The following SGCD variants were observed in gnomAD, a reference collection of about 807,000 sequenced individuals.
The protein encoded by SGCD is sarcoglycan delta.
A neutral mutation model predicts 36.6 loss-of-function variants in SGCD; 18 were observed. The ratio of observed to expected loss-of-function variants is 0.49; its 90% CI spans 0.34 to 0.73. The LOEUF is 0.73. SGCD is among the 30% of genes least tolerant of loss of function. SGCD has a pLI of 0.01. For missense variants in SGCD, 387 were observed against 346.7 expected (o/e 1.12, Z -0.92); for synonymous variants, 133 against 130.6 (o/e 1.02, Z -0.12).
intron 5 of SGCD, among the ~76,000 whole-genome samples, chr5:156,593,391 AACACAAAC>A (rs1480627617): frequency 6.6e-6 from 1 of 152,106 alleles, no homozygotes; most frequent in African/African-American, 2.4e-5. Flanking sequence ...AAGACAAAAC[AACACAAAC>A]ACACAAACAC....
the SGCD span, among the ~76,000 whole-genome samples, chr5:155,820,283 C>T: frequency 6.6e-6 from 1 of 152,236 alleles, no homozygotes; most frequent in East Asian, 1.9e-4. Flanking sequence ...CTGAGTTTGG[C>T]TTCTCAACCC....
At chr5:156,751,167 A>C (rs1288490185) in intron 7 of SGCD, among the ~76,000 whole-genome samples, 1 of 152,204 alleles carries the variant, frequency 6.6e-6, no homozygotes, top group Non-Finnish European at 1.5e-5. Flanking sequence ...AGGGATAGAC[A>C]AATAGAATAA....
At chr5:156,321,817 T>A (rs1371542757), upstream of SGCD, among the ~76,000 whole-genome samples, 1 of 152,202 alleles carries the variant, frequency 6.6e-6, no homozygotes, top group Non-Finnish European at 1.5e-5. Flanking sequence ...AGATAGAGTC[T>A]TGATTACATT....
intron 3 of SGCD, among the ~76,000 whole-genome samples, chr5:156,383,557 A>G (rs558037363): frequency 6.6e-6 from 1 of 152,246 alleles, no homozygotes; most frequent in East Asian, 1.9e-4. Context: ...CTAGGAATAT[A>G]GGAGTCCTGG....
intron 3 of SGCD, among the ~76,000 whole-genome samples, chr5:156,258,077 G>T (rs1765761089): frequency 6.6e-6 from 1 of 152,094 alleles, no homozygotes; most frequent in Non-Finnish European, 1.5e-5. Flanking sequence ...ATATTTGTCA[G>T]ATATGTTCTT....
rs1311692960 is a variant in SGCD, at chr5:156,141,222, CA to C, written c.-44+17204del. On this transcript the variant is annotated intron_variant, in intron 3 of 9. Transcript: ENST00000517913. ...TCAGGACCCAGGCAGAGAATTGCCA[CA>C]GGGGCGGGAAGGCAAGAGCGTCCCT... Among the ~76,000 whole-genome samples the C allele has an allele frequency of 2.6e-5, 4 of 152,210 alleles. No individual in the cohort carries two copies. The East Asian group carries it at 7.7e-4, about 29-fold the overall frequency.
At chr5:156,099,356 C>T (rs1441498875) in intron 1 of SGCD, among the ~76,000 whole-genome samples, 2 of 152,138 alleles carry the variant, frequency 1.3e-5, no homozygotes, top group Admixed American at 6.6e-5. Context: ...ATGCATTTCC[C>T]CATATCTCAT....
chr5:156,346,922 C>T (rs186831117), intron 3 of SGCD, among the ~76,000 whole-genome samples: 24 of 152,140 alleles, frequency 1.6e-4, no homozygotes, highest in African/African-American at 4.3e-4. Context: ...CTCAGCCTCC[C>T]GAGTAGCTGG....
intron 3 of SGCD, among the ~76,000 whole-genome samples, chr5:156,241,962 GC>G (rs758943939): frequency 6.6e-6 from 1 of 152,160 alleles, no homozygotes; most frequent in African/African-American, 2.4e-5. Context: ...ATGAGAGCTG[GC>G]CCTCAAACAG....
intron 3 of SGCD, among the ~76,000 whole-genome samples, chr5:156,401,743 T>C (rs1444935932): frequency 7.0e-6 from 1 of 143,028 alleles, no homozygotes; most frequent in Admixed American, 7.1e-5. Context: ...TAAGTAGTCA[T>C]GGTCTTTTCC....
At chr5:156,602,626 C>A (rs1761245841) in intron 6 of SGCD, among the ~76,000 whole-genome samples, 1 of 152,026 alleles carries the variant, frequency 6.6e-6, no homozygotes, top group Admixed American at 6.6e-5. Context: ...ACCTTTTATA[C>A]CTAATTTGAT....
intron 3 of SGCD, among the ~76,000 whole-genome samples, chr5:156,246,931 A>G (rs1176364994): frequency 2.0e-5 from 3 of 152,188 alleles, no homozygotes. Context: ...CATCTCAATG[A>G]AGGATATTGC....
chr5:155,864,749 CAT>C, the SGCD span, among the ~76,000 whole-genome samples: 1 of 148,124 alleles, frequency 6.8e-6, no homozygotes, highest in Admixed American at 6.7e-5. Flanking sequence ...ACAAAAACAA[CAT>C]TTGCATGTGT....
Position 155,875,120 on chromosome 5 carries a change from C to T in SGCD, c.-282+4696C>T, listed in dbSNP as rs1280826042. Among the ~76,000 whole-genome samples the T allele has an allele frequency of 2.0e-5, 3 of 152,190 alleles. 1 individual carries two copies. The East Asian group carries it at 5.8e-4, about 29-fold the overall frequency. On this transcript the variant is annotated intron_variant, in intron 1 of 9. Transcript: ENST00000517913. ...TGCAAGCAATAGCATGGAGGAATTT[C>T]AAAATGATGCTGAGTGAAAGAAACC...
At chr5:156,493,021 T>TACAGTGCAA (rs1383237016) in intron 3 of SGCD, among the ~76,000 whole-genome samples, 1 of 152,150 alleles carries the variant, frequency 6.6e-6, no homozygotes, top group East Asian at 1.9e-4. Context: ...CCGCAATAAA[T>TACAGTGCAA]ATACATGTGC....
intron 4 of SGCD, among the ~76,000 whole-genome samples, chr5:156,546,710 G>C (rs2113175916): frequency 6.6e-6 from 1 of 152,272 alleles, no homozygotes. Context: ...ATATGATCTT[G>C]TCAGGTAGGA....
chr5:156,664,123 T>TG (rs1456007264), intron 7 of SGCD, among the ~76,000 whole-genome samples: 29 of 101,064 alleles, frequency 2.9e-4, no homozygotes, highest in African/African-American at 1.3e-3. Context: ...GTGACCAATT[T>TG]GACCACAATT....
intron 4 of SGCD, among the ~76,000 whole-genome samples, chr5:156,580,105 C>T (rs1482842642): frequency 6.6e-6 from 1 of 152,110 alleles, no homozygotes; most frequent in Admixed American, 6.6e-5. Context: ...GTAAGGCAGG[C>T]CTGGTGGTGA....
chr5:156,108,045 A>C (rs943669110), intron 1 of SGCD, among the ~76,000 whole-genome samples: 1 of 152,114 alleles, frequency 6.6e-6, no homozygotes, highest in African/African-American at 2.4e-5. Flanking sequence ...TATAAAAGGA[A>C]TGAAGTACAT....
Sources: allele counts gnomAD v4.1 joint callset (sites outside exome capture counted in the v4.1 genomes callset), GRCh38; gene constraint gnomAD v4.1.1; transcripts MANE v1.5; gene names NCBI Gene and HGNC (gene_info 2026-07-23, HGNC 2026-07-21).